Variants in MCF2 observed in about 807,000 individuals in gnomAD.
MCF2 encodes proto-oncogene DBL.
In MCF2, 44 loss-of-function variants were observed where a neutral mutation model predicts 82.5. The observed-to-expected ratio is 0.53, with a 90% CI of 0.42 to 0.69. The LOEUF (loss-of-function observed/expected upper bound fraction) is 0.69, where lower values mean the gene tolerates loss of function less well. Among genes scored for constraint, MCF2 ranks in the 30% least tolerant of loss-of-function variants. The pLI, the probability that MCF2 is intolerant of heterozygous loss-of-function variation, is 0.00. For missense variants in MCF2, 623 were observed against 663.1 expected (o/e 0.94, Z 0.66); for synonymous variants, 217 against 224.9 (o/e 0.96, Z 0.32).
At position 139,637,512 on chromosome X, in the gene MCF2, G is replaced by A. The variant is rs966332724; in HGVS notation, c.51+4956C>T. Among the ~76,000 whole-genome samples, 5 of 110,663 alleles carry A rather than the reference G, an allele frequency of 4.5e-5. No individual in the cohort carries two copies. In the South Asian group the frequency reaches 1.5e-3, roughly 34 times the overall value. On this transcript the variant is annotated intron_variant, in intron 1 of 24. Transcript: ENST00000370576. ...AGCTTCTCTTTAGCAAAAAAAATAC[G>A]TATATTTATGTATATTTATATATTC...
intron 1 of MCF2, among the ~76,000 whole-genome samples, chrX:139,703,256 G>A (rs1428370975): frequency 8.9e-6 from 1 of 111,889 alleles, no homozygotes; most frequent in Non-Finnish European, 1.9e-5. Flanking sequence ...AGAGGAGTGA[G>A]TGTAGGAAAT....
At chrX:139,700,962 A>G (rs956096160) in intron 1 of MCF2, among the ~76,000 whole-genome samples, 1 of 111,275 alleles carries the variant, frequency 9.0e-6, no homozygotes, top group Admixed American at 9.5e-5. Flanking sequence ...AAAAACAGTG[A>G]CATTCATTAA....
chrX:139,693,333 T>G (rs945631314), intron 1 of MCF2, among the ~76,000 whole-genome samples: 4 of 111,951 alleles, frequency 3.6e-5, no homozygotes, highest in African/African-American at 1.3e-4. Flanking sequence ...TTTTCTTTAA[T>G]ACTTATCCTT....
chrX:139,675,480 G>A lies in MCF2; in HGVS notation c.-44-23692C>T, dbSNP rs189158592. Among the ~76,000 whole-genome samples, 843 of 112,251 alleles carry A rather than the reference G, an allele frequency of 7.5e-3. 9 individuals are homozygous for A. The highest frequency in any genetic ancestry group is 0.025 in the South Asian group (66 of 2,686). On this transcript the variant is annotated intron_variant, in intron 1 of 27. Transcript: ENST00000414978. ...TTAATGTTGGTGACCTACAGATGGC[G>A]TTTTGCTGTGGATGTCCTTTTTGTT...
intron 1 of MCF2, among the ~76,000 whole-genome samples, chrX:139,683,810 C>T (rs1935059380): frequency 9.0e-6 from 1 of 111,698 alleles, no homozygotes; most frequent in Admixed American, 9.5e-5. Context: ...TTGCCGCACA[C>T]TATACACAAA....
At chrX:139,582,185 A>T (rs2148374759) in exon 25 of MCF2, 1 of 378,146 alleles carries the variant, frequency 2.6e-6, no homozygotes, top group East Asian at 4.5e-5. Flanking sequence ...TTTGGTTACA[A>T]AGTAGAGAAG....
intron 1 of MCF2, among the ~76,000 whole-genome samples, chrX:139,656,085 G>C (rs921593478): frequency 1.1e-4 from 12 of 111,505 alleles, no homozygotes; most frequent in African/African-American, 2.9e-4. Flanking sequence ...GTTTTGAGAC[G>C]GAGTCTCGCT....
At chrX:139,699,427 G>A (rs139785456) in intron 1 of MCF2, among the ~76,000 whole-genome samples, 1 of 111,957 alleles carries the variant, frequency 8.9e-6, no homozygotes, top group African/African-American at 3.2e-5. Flanking sequence ...TCACAGAGAT[G>A]TACAACCATC....
exon 9 of MCF2, chrX:139,616,404 C>G (rs1034172291): frequency 1.7e-6 from 2 of 1,182,339 alleles, no homozygotes; most frequent in South Asian, 2.0e-5. Flanking sequence ...TGAGCATCTT[C>G]TTTAGACTGA....
chrX:139,652,751 T>C (rs919925109), intron 1 of MCF2, among the ~76,000 whole-genome samples: 1 of 111,316 alleles, frequency 9.0e-6, no homozygotes, highest in African/African-American at 3.3e-5. Context: ...TCACCTGCTC[T>C]CTGACACAAA....
intron 16 of MCF2, among the ~76,000 whole-genome samples, chrX:139,601,470 A>G (rs3117080): frequency 0.031 from 3,490 of 111,706 alleles, 125 homozygotes; most frequent in African/African-American, 0.11. Flanking sequence ...GAGTATAATT[A>G]TTTCTTACCT....
chrX:139,700,843 C>T (rs1279264971), intron 1 of MCF2, among the ~76,000 whole-genome samples: 2 of 111,899 alleles, frequency 1.8e-5, no homozygotes, highest in Non-Finnish European at 3.8e-5. Flanking sequence ...GGAACCCCAG[C>T]TTAGGATGAG....
chrX:139,677,934 G>A (rs1207689433), intron 1 of MCF2, among the ~76,000 whole-genome samples: 2 of 111,804 alleles, frequency 1.8e-5, no homozygotes, highest in East Asian at 5.6e-4. Flanking sequence ...AGGCCAAGGC[G>A]TGCAGATCAC....
intron 1 of MCF2, among the ~76,000 whole-genome samples, chrX:139,659,280 C>T (rs111905853): frequency 0.01 from 1,092 of 105,913 alleles, 11 homozygotes; most frequent in African/African-American, 0.034. Context: ...AGCAAGACTT[C>T]GTCTAAAAAA....
At position 139,648,784 on chromosome X, in the gene MCF2, C is replaced by T. The variant is rs181321793; in HGVS notation, c.26-1881G>A. ...TATTTGACAAAGTAGATTTCAGAGT[C>T]GAAAATATTACCAGATATTAAAATG... On this transcript the variant is annotated intron_variant, in intron 2 of 27. Coordinates refer to the MCF2 transcript ENST00000414978. 7.2e-5 allele frequency among the ~76,000 whole-genome samples: 8 copies of T among 111,770 alleles called. No individual in the cohort carries two copies. The East Asian group carries it at 2.0e-3, about 27-fold the overall frequency.
intron 20 of MCF2, among the ~76,000 whole-genome samples, chrX:139,589,189 T>A (rs1929269567): frequency 8.9e-6 from 1 of 111,940 alleles, no homozygotes; most frequent in African/African-American, 3.2e-5. Context: ...AGATGTTTGT[T>A]AAATGATACC....
intron 1 of MCF2, among the ~76,000 whole-genome samples, chrX:139,662,440 C>T (rs1309617886): frequency 9.0e-6 from 1 of 110,831 alleles, no homozygotes; most frequent in South Asian, 3.8e-4. Flanking sequence ...AGAGAACTCA[C>T]AGTTCCCGAT....
chrX:139,593,276 T>C (rs899986868), intron 19 of MCF2, among the ~76,000 whole-genome samples: 8 of 111,322 alleles, frequency 7.2e-5, no homozygotes. Context: ...GATTCTTCTC[T>C]CTTTTCTTCT....
At chrX:139,612,992 G>C (rs973564119) in intron 10 of MCF2, among the ~76,000 whole-genome samples, 14 of 111,490 alleles carry the variant, frequency 1.3e-4, no homozygotes, top group Non-Finnish European at 2.3e-4. Context: ...CTTTATGAAA[G>C]ACATTGAATT....
Sources: allele counts gnomAD v4.1 joint callset (sites outside exome capture counted in the v4.1 genomes callset), GRCh38; gene constraint gnomAD v4.1.1; transcripts MANE v1.5; gene names NCBI Gene and HGNC (gene_info 2026-07-23, HGNC 2026-07-21).